RBFOX1: variants seen among roughly 807,000 people sequenced by gnomAD.
RBFOX1 encodes the protein RNA binding protein fox-1 homolog 1.
Under a neutral mutation model 57.7 loss-of-function variants are expected in RBFOX1, and 8 were observed. The observed-to-expected ratio is 0.14, with a 90% CI of 0.08 to 0.25. The LOEUF is 0.25. Ranked by LOEUF, RBFOX1 falls within the 10% of genes least tolerant of loss-of-function variation. RBFOX1 has a pLI of 1.00. For synonymous variants in RBFOX1, 326 were observed against 222.4 expected (o/e 1.47, Z -4.15); for missense variants, 611 against 548.5 (o/e 1.11, Z -1.14).
At chr16:7,521,344 A>G (rs938022684) in intron 5 of RBFOX1, among the ~76,000 whole-genome samples, 2 of 152,200 alleles carry the variant, frequency 1.3e-5, no homozygotes, top group African/African-American at 4.8e-5. Context: ...TCCAATAAGG[A>G]GTTGAAATTC....
chr16:5,709,527 G>T (rs1020522829), intron 3 of RBFOX1, among the ~76,000 whole-genome samples: 1 of 151,630 alleles, frequency 6.6e-6, no homozygotes, highest in East Asian at 1.9e-4. Flanking sequence ...GATGATCTTG[G>T]CCTGTATGTG....
chr16:7,029,128 G>GTA lies in RBFOX1; in HGVS notation c.-15-22919_-15-22918dup, dbSNP rs550570721. Reference sequence around the variant, plus strand: ...CACACACACACACACACACATATACGTATATATATATGTGTATATATGTAT... The same window carrying GTA: ...CACACACACACACACACACATATACGTATATATATATATGTGTATATATGTAT... On this transcript the variant is annotated intron_variant, in intron 3 of 15. Coordinates refer to ENST00000550418, the MANE Select transcript of RBFOX1 (RefSeq NM_018723.4). 4.1e-4 allele frequency among the ~76,000 whole-genome samples: 19 copies of GTA among 46,810 alleles called. 2 individuals carry two copies. Among genetic ancestry groups the GTA allele is most frequent in the East Asian group, 3.3e-3 (4 of 1,210 alleles). 30.7% of individuals were successfully genotyped at this position (46,810 alleles called of 152,430 possible).
chr16:5,893,570 G>C (rs1043606651), intron 4 of RBFOX1, among the ~76,000 whole-genome samples: 7 of 152,160 alleles, frequency 4.6e-5, no homozygotes, highest in African/African-American at 1.7e-4. Flanking sequence ...CCTTTGGTAG[G>C]CTGAGGCGGG....
chr16:6,254,419 A>G (rs1233937882), intron 1 of RBFOX1, among the ~76,000 whole-genome samples: 1 of 152,214 alleles, frequency 6.6e-6, no homozygotes, highest in East Asian at 1.9e-4. Flanking sequence ...GGATAATTAA[A>G]AGCTGATGTG....
rs531412202 is a variant in RBFOX1 at position 5,252,032 on chromosome 16, C to T, written c.219+11927C>T. ...GGAAGCTAGGCCTGGCTGTAGCCCC[C>T]GCTGAGCTGGGGAAGTGCAGGTCAG... On this transcript the variant is annotated intron_variant, in intron 1 of 2. Coordinates refer to the RBFOX1 transcript ENST00000585867. 1.8e-3 allele frequency among the ~76,000 whole-genome samples: 281 copies of T among 152,246 alleles called. 1 individual carries two copies. Among genetic ancestry groups the T allele is most frequent in the African/African-American group, 6.3e-3 (261 of 41,548 alleles).
intron 5 of RBFOX1, among the ~76,000 whole-genome samples, chr16:7,550,377 G>A (rs1018270740): frequency 1.3e-5 from 2 of 152,090 alleles, no homozygotes; most frequent in African/African-American, 4.8e-5. Flanking sequence ...TATAGAGGCA[G>A]CTGTGACGAT....
intron 14 of RBFOX1, among the ~76,000 whole-genome samples, chr16:7,708,616 T>A (rs1270209819): frequency 1.3e-5 from 2 of 152,206 alleles, no homozygotes; most frequent in Non-Finnish European, 2.9e-5. Flanking sequence ...CACTTCACCC[T>A]TTCTGATTCA....
intron 3 of RBFOX1, among the ~76,000 whole-genome samples, chr16:5,745,588 A>G (rs578026993): frequency 1.3e-5 from 2 of 152,152 alleles, no homozygotes; most frequent in Admixed American, 1.3e-4. Context: ...ATTTCTCCAC[A>G]TCCTGTCCAG....
intron 2 of RBFOX1, among the ~76,000 whole-genome samples, chr16:5,487,671 C>G (rs1439613089): frequency 6.6e-6 from 1 of 152,202 alleles, no homozygotes; most frequent in African/African-American, 2.4e-5. Context: ...CAAGGCACAA[C>G]TAATGGTTAT....
chr16:5,559,942 C>G (rs1165990724), intron 2 of RBFOX1, among the ~76,000 whole-genome samples: 4 of 152,148 alleles, frequency 2.6e-5, no homozygotes, highest in Non-Finnish European at 2.9e-5. Context: ...GCTTTCTTAA[C>G]AGGATCTGTT....
At chr16:6,895,664 G>A (rs1383488307) in intron 3 of RBFOX1, among the ~76,000 whole-genome samples, 1 of 151,496 alleles carries the variant, frequency 6.6e-6, no homozygotes, top group African/African-American at 2.4e-5. Context: ...TTTGTGGAAA[G>A]GAGGCAAAAG....
At chr16:7,558,806 A>C (rs1270467336) in intron 5 of RBFOX1, among the ~76,000 whole-genome samples, 1 of 152,218 alleles carries the variant, frequency 6.6e-6, no homozygotes, top group Non-Finnish European at 1.5e-5. Context: ...CCAATGCCAT[A>C]AGCCTTTCTG....
chr16:6,956,466 G>A (rs559596389), intron 3 of RBFOX1, among the ~76,000 whole-genome samples: 2 of 152,138 alleles, frequency 1.3e-5, no homozygotes, highest in South Asian at 2.1e-4. Flanking sequence ...CTTTGTCATC[G>A]TCTTCTCAAA....
chr16:5,890,695 T>C (rs62017093), intron 4 of RBFOX1, among the ~76,000 whole-genome samples: 2 of 103,556 alleles, frequency 1.9e-5, no homozygotes, highest in Non-Finnish European at 3.9e-5. Context: ...AGAGTCTGTA[T>C]TGAAAAAAAA....
At chr16:5,826,811 G>A (rs1865823) in intron 3 of RBFOX1, among the ~76,000 whole-genome samples, 113,173 of 152,178 alleles carry the variant, frequency 0.74, 42,893 homozygotes, top group African/African-American at 0.9. Flanking sequence ...TTATTCATTT[G>A]TTAACACTAT....
chr16:5,319,099 C>T (rs562011653), intron 1 of RBFOX1, among the ~76,000 whole-genome samples: 4 of 152,110 alleles, frequency 2.6e-5, no homozygotes, highest in South Asian at 2.1e-4. Flanking sequence ...TGCACTCCAG[C>T]CTGGGCAACA....
At chr16:7,681,827 C>A (rs532698501) in intron 14 of RBFOX1, among the ~76,000 whole-genome samples, 1 of 152,036 alleles carries the variant, frequency 6.6e-6, no homozygotes, top group African/African-American at 2.4e-5. Context: ...CTTTGCTTTC[C>A]CCAGTCCTCT....
At chr16:5,249,242 G>A (rs1217094827) in intron 1 of RBFOX1, among the ~76,000 whole-genome samples, 1 of 152,130 alleles carries the variant, frequency 6.6e-6, no homozygotes, top group Non-Finnish European at 1.5e-5. Context: ...CCCTGTTCTG[G>A]GGGCCTTCAG....
chr16:6,611,852 G>A (rs769253869), intron 2 of RBFOX1, among the ~76,000 whole-genome samples: 1 of 152,072 alleles, frequency 6.6e-6, no homozygotes, highest in Non-Finnish European at 1.5e-5. Flanking sequence ...CCGCTGGGCA[G>A]TGTCCACCAT....
Sources: gnomAD v4.1 joint callset for allele counts (sites outside exome capture counted in the v4.1 genomes callset) on GRCh38, gnomAD v4.1.1 for gene constraint, MANE v1.5 for transcripts, NCBI Gene and HGNC (gene_info 2026-07-23, HGNC 2026-07-21) for gene names.